Variants in SSH1 observed in about 807,000 individuals in gnomAD.
SSH1 encodes protein phosphatase Slingshot homolog 1.
A neutral mutation model predicts 79.7 loss-of-function variants in SSH1; 43 were observed. The observed-to-expected ratio is 0.54, with a 90% CI of 0.42 to 0.70. The LOEUF is 0.70. Ranked by LOEUF, SSH1 falls within the 30% of genes least tolerant of loss-of-function variation. SSH1 has a pLI of 0.00. For synonymous variants in SSH1, 599 were observed against 538.3 expected, an observed-to-expected ratio of 1.11 and a Z score of -1.56; for missense variants, 1,206 against 1,358.8, an observed-to-expected ratio of 0.89 and a Z score of 1.77.
intron 4 of SSH1, chr12:108,817,430 C>T: frequency 2.5e-6 from 1 of 398,070 alleles, no homozygotes; most frequent in African/African-American, 2.1e-5. Context: ...CAAAAATTAG[C>T]TGGGCATGGT....
chr12:108,849,460 G>A (rs781011777), intron 2 of SSH1, among the ~76,000 whole-genome samples: 1 of 152,156 alleles, frequency 6.6e-6, no homozygotes, highest in Non-Finnish European at 1.5e-5. Context: ...GGGAGGCTGA[G>A]GTGGGAAGAT....
intron 2 of SSH1, among the ~76,000 whole-genome samples, chr12:108,836,175 G>A (rs1461579050): frequency 6.6e-6 from 1 of 151,572 alleles, no homozygotes; most frequent in African/African-American, 2.4e-5. Flanking sequence ...GACAAAACTA[G>A]AATGAACCCC....
In SSH1 at chr12:108,788,507, G is replaced by C. The variant is rs138260620; in HGVS notation, c.2631C>G (p.Ala877=). The C allele has an allele frequency of 6.4e-7, 1 of 1,559,210 alleles. No homozygotes were observed. The highest frequency in any genetic ancestry group is 1.4e-5 in the African/African-American group (1 of 73,092). The part of the protein sequence containing the change: ...ELGPLVMPSQ[A]GSDEKSEAAP... Reference sequence around the variant, plus strand: ...CGGCCTCTGACTTCTCATCACTCCCGGCCTGGCTGGGCATAACCAGGGGGC... The same window carrying C: ...CGGCCTCTGACTTCTCATCACTCCCCGCCTGGCTGGGCATAACCAGGGGGC... Residue 877 remains alanine, a synonymous_variant, in exon 15 of 15, where the codon GCC becomes GCG. Transcript: ENST00000326495.
chr12:108,852,094 G>A lies in SSH1; in HGVS notation c.110+544C>T, dbSNP rs77017298. 8.2e-4 allele frequency among the ~76,000 whole-genome samples: 124 copies of A among 151,848 alleles called. 2 individuals are homozygous for A. The East Asian group carries it at 0.022, about 27-fold the overall frequency. ...ATGCTCAAAATGGTAATGTAAGGGT[G>A]GTAGAATAATGGCAATTATTTTCCT... On this transcript the variant is annotated intron_variant, in intron 2 of 14. Coordinates refer to ENST00000326495, the MANE Select transcript of SSH1 (RefSeq NM_018984.4).
chr12:108,842,791 G>C (rs923687765), intron 2 of SSH1, among the ~76,000 whole-genome samples: 24 of 152,170 alleles, frequency 1.6e-4, no homozygotes, highest in African/African-American at 5.6e-4. Context: ...AATGAGACAT[G>C]GAGTATGAGG....
In SSH1 at chr12:108,789,146, G is replaced by A. The variant is rs945909239; in HGVS notation, c.1992C>T (p.Ser664=). Residue 664 remains serine, a synonymous_variant, in exon 15 of 15, where the codon TCC becomes TCT. Transcript: ENST00000326495. ...YPTASGAPEA[S]RERCEDPNAP... ...CATTGGGGTCCTCACATCGCTCCCTGGAGGCCTCAGGAGCCCCGCTGGCTG... is the reference window on the plus strand; with the variant it reads ...CATTGGGGTCCTCACATCGCTCCCTAGAGGCCTCAGGAGCCCCGCTGGCTG... 4 of 1,613,118 alleles carry A rather than the reference G, an allele frequency of 2.5e-6. No individual in the cohort carries two copies. The highest frequency in any genetic ancestry group is 2.2e-5 in the East Asian group (1 of 44,874).
chr12:108,843,001 G>A (rs937791765), intron 2 of SSH1, among the ~76,000 whole-genome samples: 8 of 151,958 alleles, frequency 5.3e-5, no homozygotes, highest in African/African-American at 1.9e-4. Flanking sequence ...TTATTTTTTC[G>A]CCTGGGCACT....
chr12:108,791,092 A>G (rs979036076), intron 14 of SSH1, among the ~76,000 whole-genome samples: 2 of 152,192 alleles, frequency 1.3e-5, no homozygotes, highest in Non-Finnish European at 2.9e-5. Flanking sequence ...ATACTTGACA[A>G]CGTTGGGAAA....
chr12:108,811,236 A>T (rs764907084), intron 6 of SSH1, 24 bp downstream of exon 6: 5 of 1,611,894 alleles, frequency 3.1e-6, no homozygotes, highest in Admixed American at 3.3e-5. Flanking sequence ...ACAGTGAGAG[A>T]ATCTTTTAAA....
chr12:108,793,868 T>C (rs1305609208), intron 13 of SSH1, among the ~76,000 whole-genome samples: 2 of 152,174 alleles, frequency 1.3e-5, no homozygotes, highest in African/African-American at 2.4e-5. Flanking sequence ...TCCTCTCTGC[T>C]CGGTGTGCAC....
intron 1 of SSH1, among the ~76,000 whole-genome samples, chr12:108,854,940 G>A (rs565588095): frequency 1.3e-5 from 2 of 152,278 alleles, no homozygotes; most frequent in South Asian, 2.1e-4. Flanking sequence ...CCTTGCCTTC[G>A]GGAAACATCC....
intron 1 of SSH1, among the ~76,000 whole-genome samples, chr12:108,853,696 G>C (rs1238667391): frequency 6.6e-6 from 1 of 152,122 alleles, no homozygotes; most frequent in Non-Finnish European, 1.5e-5. Flanking sequence ...GGCCGAGGTG[G>C]GCGGATCACC....
In SSH1 at chr12:108,792,751, A is replaced by G; in HGVS notation, c.1428T>C (p.Pro476=). ...LQQPVDDPAG[P]GDFLPETPDG... is the part of the protein sequence containing the mutation. ...CTGGGGTCTCTGGCAAGAAGTCGCC[A>G]GGTCCTGCAGGGTCATCCACAGGCT... is the stretch of plus-strand genomic sequence containing the variant. The change falls in exon 14 of 15, where the codon CCT becomes CCC. Residue 476 remains proline, a synonymous_variant. Coordinates refer to ENST00000326495, the MANE Select transcript of SSH1 (RefSeq NM_018984.4). 1 of 1,613,950 alleles carries G rather than the reference A, an allele frequency of 6.2e-7. No homozygotes were observed. Among genetic ancestry groups the G allele is most frequent in the Non-Finnish European group, 8.5e-7 (1 of 1,180,036 alleles).
chr12:108,783,829 ATTCAACAACC>A lies in SSH1; in HGVS notation c.*4149_*4158del. On this transcript the variant is annotated 3_prime_UTR_variant, in exon 15 of 15. Transcript: ENST00000326495. ...AAACAAGTGGCTGGGGACAGGGGTC[ATTCAACAACC>A]TTCATTTGGTTTGCAATGTCTGCAG... The A allele has an allele frequency of 6.6e-6, 1 of 152,440 alleles. No homozygotes were observed. The highest frequency in any genetic ancestry group is 6.5e-5 in the Admixed American group (1 of 15,306). 9.4% of individuals were successfully genotyped at this position (152,440 alleles called of 1,614,324 possible).
chr12:108,818,296 G>C lies in SSH1; in HGVS notation c.232C>G (p.Leu78Val). The change falls in exon 4 of 15, where the codon CTT becomes GTT. Residue 78 changes from leucine (L) to valine (V), a missense_variant. By Grantham distance (32) the Leu-to-Val change is conservative (BLOSUM62 1). This residue lies in a region of SSH1 where 115 missense variants were observed against 173.9 expected (regional missense o/e 0.66). Coordinates refer to ENST00000326495, the MANE Select transcript of SSH1 (RefSeq NM_018984.4). ...CGCAGAAGGTTGATCATCACCTGAA[G>C]ATGTTGAGGCAGATCACCTGTTGGA... ...HKHAGDLPQH[L>V]QVMINLLRCE... 6.2e-7 allele frequency: 1 copy of C among 1,613,912 alleles called. No individual in the cohort carries two copies. Among genetic ancestry groups the C allele is most frequent in the Non-Finnish European group, 8.5e-7 (1 of 1,179,954 alleles).
rs998300260 is a variant in SSH1 at position 108,814,459 on chromosome 12, A to AC, written c.401+2578dup. Reference sequence around the variant, plus strand: ...CCAAAGGCTTCTGGCGGGGACCTGGACTTTTTTTCAAGCCAGGAAGGAAGA... The same window carrying AC: ...CCAAAGGCTTCTGGCGGGGACCTGGACCTTTTTTTCAAGCCAGGAAGGAAGA... On this transcript the variant is annotated intron_variant, in intron 5 of 14. Coordinates refer to ENST00000326495, the MANE Select transcript of SSH1 (RefSeq NM_018984.4). Among the ~76,000 whole-genome samples, 3 of 151,686 alleles carry AC rather than the reference A, an allele frequency of 2.0e-5. No homozygotes were observed. The East Asian group carries it at 5.8e-4, about 29-fold the overall frequency.
chr12:108,826,595 C>G (rs1006650686), intron 2 of SSH1, among the ~76,000 whole-genome samples: 1 of 152,116 alleles, frequency 6.6e-6, no homozygotes, highest in Non-Finnish European at 1.5e-5. Context: ...TTTATGAAAA[C>G]AAGATGCAGA....
At chr12:108,790,359 A>G (rs1012843669) in intron 14 of SSH1, among the ~76,000 whole-genome samples, 1 of 152,220 alleles carries the variant, frequency 6.6e-6, no homozygotes, top group Non-Finnish European at 1.5e-5. Context: ...CATGTTGGTC[A>G]GACTGGTCTC....
intron 3 of SSH1, among the ~76,000 whole-genome samples, chr12:108,820,897 C>T (rs2038094446): frequency 6.6e-6 from 1 of 152,224 alleles, no homozygotes; most frequent in African/African-American, 2.4e-5. Flanking sequence ...TCGTCCACTC[C>T]AGACCTCAGG....
Sources: gnomAD v4.1 joint callset for allele counts (sites outside exome capture counted in the v4.1 genomes callset) on GRCh38, gnomAD v4.1.1 for gene constraint, gnomAD v4.1.1 regional missense constraint, MANE v1.5 for transcripts, NCBI Gene and HGNC (gene_info 2026-07-23, HGNC 2026-07-21) for gene names.